Variants in IQSEC3 observed in about 807,000 individuals in gnomAD.
IQSEC3 encodes IQ motif and SEC7 domain-containing protein 3.
IQSEC3 carries 50 observed loss-of-function variants against 105.4 expected under a neutral mutation model. The ratio of observed to expected loss-of-function variants is 0.47; its 90% CI spans 0.38 to 0.60. The LOEUF is 0.60. Among genes scored for constraint, IQSEC3 ranks in the 20% least tolerant of loss-of-function variants. IQSEC3 has a pLI of 0.00. For missense variants in IQSEC3, 1,415 were observed against 1,630.0 expected (o/e 0.87, Z 2.27); for synonymous variants, 708 against 746.0 (o/e 0.95, Z 0.83).
At chr12:146,704 A>AAGGG (rs1178210235) in intron 5 of IQSEC3, among the ~76,000 whole-genome samples, 3 of 146,860 alleles carry the variant, frequency 2.0e-5, no homozygotes, top group African/African-American at 7.4e-5. Context: ...GAGTGGGAGG[A>AAGGG]AGGGAGGGAG....
At chr12:139,459 C>G (rs953509649) in intron 4 of IQSEC3, 105 bp downstream of exon 4, 1 of 951,294 alleles carries the variant, frequency 1.1e-6, no homozygotes, top group East Asian at 2.7e-5. Context: ...TAACTTCCCA[C>G]GTCATGCCAG....
intron 8 of IQSEC3, 40 bp downstream of exon 8, chr12:162,105 T>C: frequency 6.2e-7 from 1 of 1,604,376 alleles, no homozygotes; most frequent in Non-Finnish European, 8.5e-7. Context: ...TCTCCTTTCC[T>C]TTCTTTCTTC....
intron 2 of IQSEC3, among the ~76,000 whole-genome samples, chr12:124,389 C>CA (rs55767927): frequency 0.8 from 99,541 of 124,872 alleles, 40,556 homozygotes; most frequent in Non-Finnish European, 0.89. Context: ...AACTCCATCT[C>CA]AAAAAAAAAA....
chr12:84,973 A>T (rs1296163657), intron 1 of IQSEC3, among the ~76,000 whole-genome samples: 1 of 152,226 alleles, frequency 6.6e-6, no homozygotes, highest in African/African-American at 2.4e-5. Context: ...CAGCAAAAAA[A>T]GTCAGAGCTG....
chr12:126,135 C>T (rs1046713596), intron 3 of IQSEC3, among the ~76,000 whole-genome samples: 2 of 152,230 alleles, frequency 1.3e-5, no homozygotes, highest in Non-Finnish European at 2.9e-5. Context: ...ATGCCAGGCC[C>T]TTGGGCAGCA....
intron 1 of IQSEC3, among the ~76,000 whole-genome samples, chr12:81,239 C>A (rs1379064951): frequency 6.6e-6 from 1 of 151,982 alleles, no homozygotes; most frequent in Non-Finnish European, 1.5e-5. Context: ...GCCAGAAATG[C>A]CCCTGTTTCT....
At chr12:167,175 G>A (rs1268509975) in intron 11 of IQSEC3, 1 of 152,172 alleles carries the variant, frequency 6.6e-6, no homozygotes, top group Non-Finnish European at 1.5e-5. Flanking sequence ...TTCAAGGGCT[G>A]GACCGGATCC....
In IQSEC3 at chr12:174,759, A is replaced by C; in HGVS notation, c.3275A>C (p.Gln1092Pro). The part of the protein sequence containing the change: ...PPPTPPGTLV[Q>P]CQQIVKVIVL... ...CCCACGCCCCCGGGCACCCTGGTGC[A>C]GTGCCAGCAAATTGTCAAGGTCATT... The change falls in exon 14 of 14, where the codon CAG (glutamine) becomes CCG (proline). Residue 1092 changes from glutamine to proline, a missense_variant. Gln to Pro is a moderately conservative substitution (Grantham distance 76, BLOSUM62 -1). Transcript: ENST00000538872. 6.3e-7 allele frequency: 1 copy of C among 1,590,358 alleles called. No homozygotes were observed. Among genetic ancestry groups the C allele is most frequent in the Non-Finnish European group, 8.5e-7 (1 of 1,177,228 alleles).
chr12:80,016 T>C lies in IQSEC3; in HGVS notation c.554+12580T>C, dbSNP rs142382652. Among the ~76,000 whole-genome samples the C allele has an allele frequency of 2.0e-4, 31 of 152,350 alleles. 1 individual carries two copies. The highest frequency in any genetic ancestry group is 9.8e-4 in the Admixed American group (15 of 15,300). On this transcript the variant is annotated intron_variant, in intron 1 of 13. Coordinates refer to ENST00000538872, the MANE Select transcript of IQSEC3 (RefSeq NM_001170738.2). ...AAAGAGCTGCCGCGTTCTTTTTTAA[T>C]AGCCGCAAAATATTCCACTGTATGG...
At chr12:102,200 C>T (rs1384636453) in intron 2 of IQSEC3, among the ~76,000 whole-genome samples, 1 of 151,490 alleles carries the variant, frequency 6.6e-6, no homozygotes, top group African/African-American at 2.4e-5. Context: ...CAGTCTGGCT[C>T]CTCCCCCATC....
chr12:170,170 G>A (rs961007275), intron 12 of IQSEC3, among the ~76,000 whole-genome samples: 3 of 152,190 alleles, frequency 2.0e-5, no homozygotes, highest in Non-Finnish European at 2.9e-5. Context: ...GCCATCGTGC[G>A]TCCGTAATTC....
chr12:84,685 A>G (rs1396567657), intron 1 of IQSEC3, among the ~76,000 whole-genome samples: 1 of 152,176 alleles, frequency 6.6e-6, no homozygotes, highest in East Asian at 1.9e-4. Context: ...GTGTATGAGT[A>G]TGTTGAGCCT....
At position 177,229 on chromosome 12, in the gene IQSEC3, GGC is replaced by G. The variant is rs2137080881; in HGVS notation, c.*2197_*2198del. Reference sequence around the variant, plus strand: ...CAGCTCTTCAAGCTTACCAAGGACAGGCAGAACCCCGTCCCCTGCTCACACAG... The same window carrying G: ...CAGCTCTTCAAGCTTACCAAGGACAGAGAACCCCGTCCCCTGCTCACACAG... On this transcript the variant is annotated 3_prime_UTR_variant, in exon 14 of 14. Transcript: ENST00000538872. This position sits in a 1 kb window ranked among gnomAD's most constrained non-coding sequence, Gnocchi z 5.3. The G allele has an allele frequency of 1.1e-5, 1 of 87,754 alleles. No individual in the cohort carries two copies. The highest frequency in any genetic ancestry group is 3.9e-5 in the African/African-American group (1 of 25,438). The allele number at this position is 87,754 out of a possible 1,614,324, so 5.4% of individuals were successfully genotyped here. A position where few individuals can be genotyped will look rare whatever the true frequency, so the allele number is the denominator to read the frequency against.
At chr12:157,458 CTTCCTTTGTTGGG>C in intron 6 of IQSEC3, 57 bp from the exon 7 acceptor site, 1 of 1,332,780 alleles carries the variant, frequency 7.5e-7, no homozygotes, top group Non-Finnish European at 9.9e-7. Context: ...TGGACACCCC[CTTCCTTTGTTGGG>C]CCCGGGGGAG....
rs1385022538 is a variant in IQSEC3, at chr12:92,563, G to A, written c.555-6583G>A. Among the ~76,000 whole-genome samples, 4 of 152,198 alleles carry A rather than the reference G, an allele frequency of 2.6e-5. No homozygotes were observed. The East Asian group carries it at 7.7e-4, about 29-fold the overall frequency. ...ACCCCAAGTGTGGTGATTGCACTCG[G>A]GCCTACGGGGACCTCTCTCCTTTCT... is the stretch of plus-strand genomic sequence containing the variant. On this transcript the variant is annotated intron_variant, in intron 1 of 13. Coordinates refer to ENST00000538872, the MANE Select transcript of IQSEC3 (RefSeq NM_001170738.2).
At chr12:159,568 T>C (rs1333758643) in intron 7 of IQSEC3, among the ~76,000 whole-genome samples, 1 of 152,240 alleles carries the variant, frequency 6.6e-6, no homozygotes, top group Non-Finnish European at 1.5e-5. Context: ...TGCTGCTGCA[T>C]TGTCCTTTAG....
chr12:134,004 C>G (rs1024162154), intron 3 of IQSEC3, among the ~76,000 whole-genome samples: 3 of 152,232 alleles, frequency 2.0e-5, no homozygotes, highest in Admixed American at 1.3e-4. Context: ...GCGGAGTCAG[C>G]AGTTACGCTG....
chr12:161,285 G>A (rs1374972744), intron 7 of IQSEC3, among the ~76,000 whole-genome samples: 4 of 152,212 alleles, frequency 2.6e-5, no homozygotes, highest in Non-Finnish European at 2.9e-5. Context: ...CAAAAGAAAC[G>A]TGTTTTCTTG....
intron 5 of IQSEC3, among the ~76,000 whole-genome samples, chr12:156,785 C>G (rs1197493526): frequency 6.6e-6 from 1 of 152,182 alleles, no homozygotes; most frequent in Non-Finnish European, 1.5e-5. Context: ...TTCAGCCTCC[C>G]TCCACCCCTG....
Sources: allele counts gnomAD v4.1 joint callset (sites outside exome capture counted in the v4.1 genomes callset), GRCh38; gene constraint gnomAD v4.1.1; non-coding constraint Gnocchi (gnomAD v3.1); transcripts MANE v1.5; gene names NCBI Gene and HGNC (gene_info 2026-07-23, HGNC 2026-07-21).